Variants in TAFA2 observed in about 807,000 individuals in gnomAD.
TAFA2 encodes chemokine-like protein TAFA-2.
Under a neutral mutation model 18.8 loss-of-function variants are expected in TAFA2, and 7 were observed. The observed-to-expected ratio is 0.37, with a 90% CI of 0.21 to 0.70. The LOEUF is 0.70. Ranked by LOEUF, TAFA2 falls within the 30% of genes least tolerant of loss-of-function variation. TAFA2 has a pLI of 0.53. For missense variants in TAFA2, 122 were observed against 158.1 expected (o/e 0.77, Z 1.23); for synonymous variants, 60 against 54.2 (o/e 1.11, Z -0.47).
intron 2 of TAFA2, among the ~76,000 whole-genome samples, chr12:61,760,973 A>G (rs145160856): frequency 6.6e-6 from 1 of 152,126 alleles, no homozygotes; most frequent in East Asian, 1.9e-4. Flanking sequence ...ATAGACATAT[A>G]GATTTCATTA....
chr12:62,227,745 A>C (rs2062793755), intron 1 of TAFA2, among the ~76,000 whole-genome samples: 2 of 152,310 alleles, frequency 1.3e-5, no homozygotes, highest in South Asian at 4.1e-4. Flanking sequence ...TCATAGTCTC[A>C]ATCCTAGACT....
intron 4 of TAFA2, among the ~76,000 whole-genome samples, chr12:61,721,924 C>G (rs2120600628): frequency 6.6e-6 from 1 of 151,164 alleles, no homozygotes; most frequent in South Asian, 2.1e-4. Context: ...CATTGCACTC[C>G]AGCCTGGGTG....
chr12:62,183,210 C>T (rs2062563332), intron 1 of TAFA2, among the ~76,000 whole-genome samples: 1 of 152,114 alleles, frequency 6.6e-6, no homozygotes, highest in Non-Finnish European at 1.5e-5. Context: ...ACCTGTTCCC[C>T]CACCCCACAA....
intron 4 of TAFA2, among the ~76,000 whole-genome samples, chr12:61,736,110 T>C (rs1868298388): frequency 6.6e-6 from 1 of 151,954 alleles, no homozygotes. Flanking sequence ...ATCCCTGGCT[T>C]ACTATGGCAG....
At chr12:62,063,598 T>C (rs575344710) in intron 1 of TAFA2, among the ~76,000 whole-genome samples, 147 of 152,266 alleles carry the variant, frequency 9.7e-4, no homozygotes, top group African/African-American at 3.5e-3. Context: ...ATCTTAATGA[T>C]TAACCAAATT....
At chr12:62,023,579 CA>C (rs1881215822) in intron 1 of TAFA2, 1 of 123,888 alleles carries the variant, frequency 8.1e-6, no homozygotes, top group Non-Finnish European at 1.7e-5. Flanking sequence ...AGCTTAAAAT[CA>C]TGATTTTGTA....
chr12:61,724,058 A>G (rs540937229), intron 4 of TAFA2, among the ~76,000 whole-genome samples: 2 of 152,262 alleles, frequency 1.3e-5, no homozygotes, highest in African/African-American at 4.8e-5. Context: ...CCCCAAAATA[A>G]TATTGTGCAT....
At chr12:61,784,715 T>C (rs541427457) in intron 2 of TAFA2, among the ~76,000 whole-genome samples, 55 of 148,392 alleles carry the variant, frequency 3.7e-4, no homozygotes, top group Non-Finnish European at 7.5e-4. Flanking sequence ...AAAAAAAAAG[T>C]TTATTTCAAA....
At chr12:61,971,795 C>G (rs1208984529) in intron 1 of TAFA2, among the ~76,000 whole-genome samples, 3 of 151,682 alleles carry the variant, frequency 2.0e-5, no homozygotes, top group African/African-American at 7.3e-5. Flanking sequence ...ATGGGTGCAG[C>G]AAACCAACAT....
chr12:62,083,984 A>G (rs1868363946), intron 1 of TAFA2, among the ~76,000 whole-genome samples: 1 of 152,336 alleles, frequency 6.6e-6, no homozygotes, highest in East Asian at 1.9e-4. Flanking sequence ...CACATACAAG[A>G]AAAGATACAT....
chr12:61,745,808 A>G (rs1329708173), intron 4 of TAFA2, among the ~76,000 whole-genome samples: 1 of 152,012 alleles, frequency 6.6e-6, no homozygotes, highest in Non-Finnish European at 1.5e-5. Flanking sequence ...ATCTAGGAGG[A>G]CACAATGTAA....
At chr12:61,864,772 CAAA>C (rs34286549) in intron 2 of TAFA2, among the ~76,000 whole-genome samples, 464 of 78,360 alleles carry the variant, frequency 5.9e-3, no homozygotes, top group Non-Finnish European at 7.7e-3. Context: ...GACTCCGTCT[CAAA>C]AAAAAAAAAA....
intron 1 of TAFA2, among the ~76,000 whole-genome samples, chr12:62,090,478 C>T (rs900123826): frequency 6.6e-6 from 1 of 152,032 alleles, no homozygotes; most frequent in Non-Finnish European, 1.5e-5. Flanking sequence ...CTAAACAGAA[C>T]AGTTGGCATC....
chr12:61,753,563 A>C, intron 4 of TAFA2, 59 bp downstream of exon 4: 1 of 1,515,480 alleles, frequency 6.6e-7, no homozygotes, highest in Non-Finnish European at 9.0e-7. Context: ...TTACTGCACA[A>C]GCTCCGTTCT....
chr12:61,800,449 T>C lies in TAFA2; in HGVS notation c.107-45425A>G, dbSNP rs1206308600. 1.3e-5 allele frequency among the ~76,000 whole-genome samples: 2 copies of C among 152,174 alleles called. 1 individual carries two copies. The highest frequency in any genetic ancestry group is 4.1e-4 in the South Asian group (2 of 4,830). On this transcript the variant is annotated intron_variant, in intron 2 of 4. Coordinates refer to ENST00000416284, the MANE Select transcript of TAFA2 (RefSeq NM_178539.5). ...AAATCAGAAAAACAAGAAAGAGATT[T>C]ATTTGAACAATTGAATTAGTGTTCA... is the stretch of plus-strand genomic sequence containing the variant.
intron 1 of TAFA2, among the ~76,000 whole-genome samples, chr12:62,023,989 T>C (rs1881233272): frequency 2.0e-5 from 3 of 152,230 alleles, no homozygotes; most frequent in Non-Finnish European, 4.4e-5. Context: ...TGAAAGATTC[T>C]TTTTGTATCT....
At chr12:61,743,748 C>T (rs753824226) in intron 4 of TAFA2, among the ~76,000 whole-genome samples, 1 of 152,072 alleles carries the variant, frequency 6.6e-6, no homozygotes. Flanking sequence ...CTTCACCCCA[C>T]TCTCCAGAGT....
intron 1 of TAFA2, among the ~76,000 whole-genome samples, chr12:62,074,961 C>T (rs1882724838): frequency 1.3e-5 from 2 of 152,070 alleles, no homozygotes; most frequent in Admixed American, 1.3e-4. Flanking sequence ...CTCAGCCTCC[C>T]AAAGTGCTGG....
chr12:62,248,261 C>T (rs952606120), intron 1 of TAFA2, among the ~76,000 whole-genome samples: 16 of 152,186 alleles, frequency 1.1e-4, no homozygotes, highest in African/African-American at 3.6e-4. Context: ...TTGAGCCACT[C>T]CATATTGATT....
Sources: allele counts gnomAD v4.1 joint callset (sites outside exome capture counted in the v4.1 genomes callset), GRCh38; gene constraint gnomAD v4.1.1; transcripts MANE v1.5; gene names NCBI Gene and HGNC (gene_info 2026-07-23, HGNC 2026-07-21).